Variants in HPN observed in about 807,000 individuals in gnomAD.
The protein encoded by HPN is hepsin.
HPN carries 13 observed loss-of-function variants against 55.9 expected under a neutral mutation model. The observed-to-expected ratio is 0.23, with a 90% CI of 0.15 to 0.37. The LOEUF is 0.37. Among genes scored for constraint, HPN ranks in the 10% least tolerant of loss-of-function variants. HPN has a pLI of 1.00. For missense variants in HPN, 451 were observed against 575.8 expected, an observed-to-expected ratio of 0.78 and a Z score of 2.22; for synonymous variants, 225 against 240.3, an observed-to-expected ratio of 0.94 and a Z score of 0.59.
Position 35,041,731 on chromosome 19 carries a change from C to A in HPN, c.-196C>A. 1 of 1,225,864 alleles carries A rather than the reference C, an allele frequency of 8.2e-7. No homozygotes were observed. The highest frequency in any genetic ancestry group is 1.0e-6 in the Non-Finnish European group (1 of 959,162). 75.9% of individuals were successfully genotyped at this position (1,225,864 alleles called of 1,614,324 possible). A position where few individuals can be genotyped will look rare whatever the true frequency, so the allele number is the denominator to read the frequency against. ...GCCCCCTCCTCCTCAGGTGAGGCAG[C>A]CTGGCCTAGCAGGCCCCACGCCACC... is the stretch of plus-strand genomic sequence containing the variant. On this transcript the variant is annotated 5_prime_UTR_variant, in exon 1 of 13. Transcript: ENST00000672452.
chr19:35,043,860 C>T (rs545838489), intron 2 of HPN, among the ~76,000 whole-genome samples: 10 of 152,316 alleles, frequency 6.6e-5, no homozygotes, highest in East Asian at 3.9e-4. Flanking sequence ...AGAAAATGCC[C>T]GAATGGACAG....
At chr19:35,057,917 G>A (rs1340015056) in intron 4 of HPN, among the ~76,000 whole-genome samples, 11 of 151,950 alleles carry the variant, frequency 7.2e-5, no homozygotes, top group Non-Finnish European at 1.3e-4. Context: ...TTGGGAGGCC[G>A]AGGCAGGCAG....
chr19:35,044,682 A>G (rs1170597599), intron 2 of HPN, among the ~76,000 whole-genome samples: 2 of 152,120 alleles, frequency 1.3e-5, no homozygotes, highest in East Asian at 1.9e-4. Context: ...CATACTCCCA[A>G]ATCTCTGAAA....
intron 11 of HPN, 21 bp from the exon 12 acceptor site, chr19:35,065,847 G>C (rs754056694): frequency 6.2e-7 from 1 of 1,613,186 alleles, no homozygotes. Flanking sequence ...CCTTCAGCCA[G>C]ACCTCCCTCT....
chr19:35,043,124 G>C (rs545648936), intron 2 of HPN, among the ~76,000 whole-genome samples: 8 of 152,152 alleles, frequency 5.3e-5, no homozygotes, highest in African/African-American at 1.9e-4. Context: ...GACCCCCACC[G>C]ATCCCAGACA....
At chr19:35,051,430 G>C (rs1568357921) in intron 4 of HPN, among the ~76,000 whole-genome samples, 1 of 152,098 alleles carries the variant, frequency 6.6e-6, no homozygotes, top group African/African-American at 2.4e-5. Flanking sequence ...ATTTTTAGTA[G>C]AGATGGGATC....
chr19:35,065,120 C>A (rs2064588782), intron 9 of HPN, 130 bp from the exon 10 acceptor site: 3 of 611,332 alleles, frequency 4.9e-6, no homozygotes, highest in African/African-American at 1.9e-5. Flanking sequence ...CTGTGCCCAG[C>A]CTATTGTGGT....
chr19:35,046,870 C>T (rs1365197967), intron 2 of HPN, among the ~76,000 whole-genome samples: 1 of 151,996 alleles, frequency 6.6e-6, no homozygotes, highest in Non-Finnish European at 1.5e-5. Context: ...GCTCTGTCGC[C>T]CAAGCTGAAG....
chr19:35,058,067 C>T (rs1480308287), intron 4 of HPN, among the ~76,000 whole-genome samples: 1 of 151,648 alleles, frequency 6.6e-6, no homozygotes, highest in South Asian at 2.1e-4. Context: ...GCAGAAGAAT[C>T]GCTTGAACCC....
intron 2 of HPN, among the ~76,000 whole-genome samples, chr19:35,048,255 G>A (rs1337526652): frequency 6.6e-6 from 1 of 152,214 alleles, no homozygotes; most frequent in African/African-American, 2.4e-5. Flanking sequence ...GTACACAGGG[G>A]ACCTGGCATC....
intron 2 of HPN, among the ~76,000 whole-genome samples, chr19:35,044,931 G>T (rs749684183): frequency 2.0e-5 from 3 of 152,026 alleles, no homozygotes; most frequent in Non-Finnish European, 4.4e-5. Flanking sequence ...GGGGGAAGGA[G>T]AGTCACTCAG....
At chr19:35,049,865 T>G (rs911517352) in intron 4 of HPN, among the ~76,000 whole-genome samples, 12 of 151,362 alleles carry the variant, frequency 7.9e-5, no homozygotes, top group Admixed American at 1.3e-4. Context: ...TTGTTTGTTT[T>G]TTTTTTTTTT....
rs368912553 is a variant in HPN, at chr19:35,049,295, C to T, written c.22C>T (p.Arg8Trp). ...CAGCATGGTGTCTGTTGCAGGTGGC[C>T]GGACTGTGCCATGCTGCTCCAGACC... MAQKEGG[R>W]TVPCCSRPKV... Residue 8 changes from arginine (R) to tryptophan (W), a missense_variant, in exon 3 of 13, where the codon CGG becomes TGG. Arg to Trp is a moderately radical substitution (Grantham distance 101). Transcript: ENST00000672452. 10 of 1,547,506 alleles carry T rather than the reference C, an allele frequency of 6.5e-6. No individual in the cohort carries two copies. The highest frequency in any genetic ancestry group is 5.4e-5 in the African/African-American group (4 of 73,486).
At chr19:35,056,819 T>C (rs548282371) in intron 4 of HPN, among the ~76,000 whole-genome samples, 2 of 152,304 alleles carry the variant, frequency 1.3e-5, no homozygotes, top group African/African-American at 4.8e-5. Context: ...GAATACTCCA[T>C]CCTCTGCCTG....
intron 2 of HPN, among the ~76,000 whole-genome samples, chr19:35,047,440 C>T (rs559879871): frequency 6.6e-6 from 1 of 152,330 alleles, no homozygotes; most frequent in Non-Finnish European, 1.5e-5. Context: ...ATCCCTGATC[C>T]CCTGCAGAAG....
At chr19:35,057,425 C>CAA (rs576575533) in intron 4 of HPN, among the ~76,000 whole-genome samples, 20 of 86,918 alleles carry the variant, frequency 2.3e-4, no homozygotes, top group East Asian at 3.6e-4. Context: ...GACTCTGTCT[C>CAA]AAAAAAAAAA....
chr19:35,053,428 T>C (rs2064423994), intron 4 of HPN, among the ~76,000 whole-genome samples: 1 of 152,040 alleles, frequency 6.6e-6, no homozygotes, highest in African/African-American at 2.4e-5. Flanking sequence ...AGGCATTCCC[T>C]GCCCCAACCC....
chr19:35,051,964 C>T (rs898597113), intron 4 of HPN, among the ~76,000 whole-genome samples: 4 of 152,182 alleles, frequency 2.6e-5, no homozygotes, highest in Non-Finnish European at 5.9e-5. Flanking sequence ...GGCTCCAAGC[C>T]TCCTAGTGTG....
intron 9 of HPN, among the ~76,000 whole-genome samples, chr19:35,063,625 C>T (rs1370483539): frequency 6.6e-6 from 1 of 152,236 alleles, no homozygotes; most frequent in Non-Finnish European, 1.5e-5. Context: ...AGGAGAATCA[C>T]TTGAACCCAG....
Sources: gnomAD v4.1 joint callset for allele counts (sites outside exome capture counted in the v4.1 genomes callset) on GRCh38, gnomAD v4.1.1 for gene constraint, MANE v1.5 for transcripts, NCBI Gene and HGNC (gene_info 2026-07-23, HGNC 2026-07-21) for gene names.